The following NPNT variants were observed in gnomAD, a reference collection of about 807,000 sequenced individuals.
NPNT encodes the protein nephronectin, also known as preosteoblast EGF-like repeat protein with MAM domain.
NPNT carries 45 observed loss-of-function variants against 68.6 expected under a neutral mutation model. The ratio of observed to expected loss-of-function variants is 0.66; its 90% CI spans 0.52 to 0.84. NPNT has a LOEUF of 0.84. Ranked by LOEUF, NPNT falls within the 40% of genes least tolerant of loss-of-function variation. The probability of loss-of-function intolerance (pLI) is 0.00; values close to 1 mark genes in which losing one functional copy is unlikely to be tolerated. For synonymous variants in NPNT, 233 were observed against 253.3 expected (o/e 0.92, Z 0.76); for missense variants, 672 against 714.8 (o/e 0.94, Z 0.68).
At chr4:105,934,146 G>C (rs1362710570) in intron 3 of NPNT, among the ~76,000 whole-genome samples, 2 of 151,932 alleles carry the variant, frequency 1.3e-5, no homozygotes, top group African/African-American at 4.8e-5. Context: ...ACTTCATTTT[G>C]TTCTGCTTAT....
At chr4:105,930,347 A>C (rs1327811571) in intron 3 of NPNT, among the ~76,000 whole-genome samples, 1 of 152,208 alleles carries the variant, frequency 6.6e-6, no homozygotes, top group Non-Finnish European at 1.5e-5. Context: ...AAAGGGTTCC[A>C]CCAGTTCTTG....
intron 2 of NPNT, among the ~76,000 whole-genome samples, chr4:105,902,102 G>C (rs1295695763): frequency 1.3e-5 from 2 of 152,008 alleles, no homozygotes; most frequent in Non-Finnish European, 2.9e-5. Flanking sequence ...ATTTATTTTT[G>C]CTCCCTAAAC....
At chr4:105,952,092 G>A (rs560997109) in intron 8 of NPNT, among the ~76,000 whole-genome samples, 5 of 152,262 alleles carry the variant, frequency 3.3e-5, no homozygotes, top group African/African-American at 1.2e-4. Flanking sequence ...TACTATTGAT[G>A]TTGAATTCAT....
chr4:105,927,510 C>G, intron 3 of NPNT, 82 bp downstream of exon 3: 3 of 724,938 alleles, frequency 4.1e-6, no homozygotes, highest in Non-Finnish European at 6.6e-6. Context: ...TCTCAAACTA[C>G]TTTCCATGGC....
At chr4:105,906,310 C>T (rs977210306) in intron 2 of NPNT, among the ~76,000 whole-genome samples, 5 of 152,136 alleles carry the variant, frequency 3.3e-5, no homozygotes, top group East Asian at 1.9e-4. Flanking sequence ...TGGCCCTTTA[C>T]GGAGTGGGAG....
At chr4:105,896,669 C>A (rs1156670989) in intron 1 of NPNT, among the ~76,000 whole-genome samples, 1 of 152,196 alleles carries the variant, frequency 6.6e-6, no homozygotes, top group Non-Finnish European at 1.5e-5. Context: ...AAAGATGCCG[C>A]ACCTGTTTTA....
At chr4:105,898,114 AG>A (rs1726030187) in intron 2 of NPNT, 113 bp downstream of exon 2, 1 of 685,120 alleles carries the variant, frequency 1.5e-6, no homozygotes. Context: ...TTGGCCTTGC[AG>A]GTCTGACTTG....
chr4:105,913,860 T>C (rs1727577340), intron 2 of NPNT, among the ~76,000 whole-genome samples: 1 of 152,162 alleles, frequency 6.6e-6, no homozygotes, highest in South Asian at 2.1e-4. Context: ...CAGTTTTGGT[T>C]GTCTAACAGT....
At chr4:105,952,990 AC>A (rs918582111) in intron 8 of NPNT, among the ~76,000 whole-genome samples, 22 of 152,116 alleles carry the variant, frequency 1.4e-4, no homozygotes, top group African/African-American at 5.3e-4. Flanking sequence ...ACATGGTGAA[AC>A]CCTGTCTCTA....
At chr4:105,910,928 A>G (rs1727312812) in intron 2 of NPNT, among the ~76,000 whole-genome samples, 1 of 152,104 alleles carries the variant, frequency 6.6e-6, no homozygotes, top group Admixed American at 6.5e-5. Context: ...AAGTTGTTTT[A>G]CCTTTGCTTA....
At chr4:105,961,498 A>G (rs1165298914) in intron 10 of NPNT, among the ~76,000 whole-genome samples, 2 of 152,262 alleles carry the variant, frequency 1.3e-5, no homozygotes, top group African/African-American at 4.8e-5. Flanking sequence ...TAAACAATCT[A>G]TGTAAAATAC....
chr4:105,910,088 T>C (rs1475360937), intron 2 of NPNT, among the ~76,000 whole-genome samples: 2 of 152,096 alleles, frequency 1.3e-5, no homozygotes, highest in Non-Finnish European at 2.9e-5. Flanking sequence ...GGCTCAGTTC[T>C]TTAAAGTTTC....
chr4:105,937,218 G>A, intron 4 of NPNT, 90 bp downstream of exon 4: 2 of 1,346,460 alleles, frequency 1.5e-6, no homozygotes, highest in Non-Finnish European at 2.1e-6. Flanking sequence ...TGGCCTCCGG[G>A]GTTCTCCTAA....
intron 4 of NPNT, 58 bp downstream of exon 4, chr4:105,937,186 T>G (rs912250122): frequency 1.3e-6 from 2 of 1,581,576 alleles, no homozygotes; most frequent in Non-Finnish European, 1.7e-6. Flanking sequence ...TGTTGTGCTC[T>G]GAGAGCTTGC....
At position 105,953,267 on chromosome 4, in the gene NPNT, A is replaced by G. The variant is rs960204005; in HGVS notation, c.1160-5204A>G. Among the ~76,000 whole-genome samples, 12 of 152,248 alleles carry G rather than the reference A, an allele frequency of 7.9e-5. No individual in the cohort carries two copies. The East Asian group carries it at 1.9e-3, about 24-fold the overall frequency. On this transcript the variant is annotated intron_variant, in intron 8 of 11. Transcript: ENST00000379987. ...CATAAAGGAGAAATAGGTATGTCAC[A>G]AAAATTGGGCTCATTGTTGATTAGC...
chr4:105,942,364 G>T lies in NPNT; in HGVS notation c.821G>T (p.Gly274Val). 2 of 1,613,326 alleles carry T rather than the reference G, an allele frequency of 1.2e-6. No homozygotes were observed. The highest frequency in any genetic ancestry group is 1.7e-6 in the Non-Finnish European group (2 of 1,179,554). ...SGPIHVPKGN[G>V]TILKGDTGNN... ...CCAATTCATGTACCAAAGGGAAATG[G>T]TACCATTTTAAAGGGTGACACAGGA... is the stretch of plus-strand genomic sequence containing the variant. Residue 274 changes from glycine to valine, a missense_variant, in exon 8 of 12, where the codon GGT (glycine) becomes GTT (valine). Physicochemically the swap from Gly to Val is moderately radical, Grantham distance 109. Coordinates refer to ENST00000379987, the MANE Select transcript of NPNT (RefSeq NM_001033047.3).
At chr4:105,938,993 A>G (rs1366317496) in intron 5 of NPNT, among the ~76,000 whole-genome samples, 1 of 152,200 alleles carries the variant, frequency 6.6e-6, no homozygotes, top group Non-Finnish European at 1.5e-5. Context: ...GGATGCAAAG[A>G]GCTTAGCACA....
chr4:105,953,830 A>T (rs1180987676), intron 8 of NPNT, among the ~76,000 whole-genome samples: 2 of 152,250 alleles, frequency 1.3e-5, no homozygotes, highest in Non-Finnish European at 2.9e-5. Context: ...AACAAATGCC[A>T]GAACTGGCCT....
At chr4:105,915,380 G>A (rs376382539) in intron 2 of NPNT, among the ~76,000 whole-genome samples, 5 of 151,928 alleles carry the variant, frequency 3.3e-5, no homozygotes, top group African/African-American at 9.7e-5. Context: ...GGGCAGTGGC[G>A]GGGGGGCACA....
Sources: gnomAD v4.1 joint callset for allele counts (sites outside exome capture counted in the v4.1 genomes callset) on GRCh38, gnomAD v4.1.1 for gene constraint, MANE v1.5 for transcripts, NCBI Gene and HGNC (gene_info 2026-07-23, HGNC 2026-07-21) for gene names.